GNE: variants seen among roughly 807,000 people sequenced by gnomAD.
GNE encodes the protein bifunctional UDP-N-acetylglucosamine 2-epimerase/N-acetylmannosamine kinase.
Under a neutral mutation model 61.8 loss-of-function variants are expected in GNE, and 41 were observed. That is an observed-to-expected ratio of 0.66 (90% CI 0.52 to 0.86). GNE has a LOEUF of 0.86. Ranked by LOEUF, GNE falls within the 40% of genes least tolerant of loss-of-function variation. The pLI is 0.00. For synonymous variants in GNE, 264 were observed against 326.4 expected (o/e 0.81, Z 2.06); for missense variants, 608 against 909.1 (o/e 0.67, Z 4.26).
chr9:36,246,118 G>C lies in GNE; in HGVS notation c.529C>G (p.Arg177Gly). The C allele has an allele frequency of 1.9e-6, 3 of 1,614,162 alleles. No individual in the cohort carries two copies. Among genetic ancestry groups the C allele is most frequent in the South Asian group, 1.1e-5 (1 of 91,076 alleles). Reference protein sequence around the residue: ...HLISMCEDHDRILLAGCPSYD... With the variant: ...HLISMCEDHDGILLAGCPSYD... ...GAAGGGCAGCCTGCCAAAAGGATGC[G>C]ATCATGGTCCTCACACATGGATATC... The change falls in exon 3 of 12, where the codon CGC (arginine) becomes GGC (glycine). Residue 177 changes from arginine (R) to glycine (G), a missense_variant. By Grantham distance (125) the Arg-to-Gly change is moderately radical. Coordinates refer to ENST00000642385, the MANE Select transcript of GNE (RefSeq NM_005476.7).
intron 4 of GNE, among the ~76,000 whole-genome samples, chr9:36,234,822 C>G (rs941270149): frequency 1.3e-5 from 2 of 152,142 alleles, no homozygotes; most frequent in Non-Finnish European, 2.9e-5. Context: ...GCAGGTGCCA[C>G]TCATTTAACC....
upstream of GNE, among the ~76,000 whole-genome samples, chr9:36,259,308 T>C (rs1464846177): frequency 6.6e-6 from 1 of 152,138 alleles, no homozygotes. Context: ...AGGCCAGGAG[T>C]TCGAGACCAA....
intron 1 of GNE, among the ~76,000 whole-genome samples, chr9:36,255,024 C>A (rs1020925757): frequency 1.3e-5 from 2 of 152,138 alleles, no homozygotes; most frequent in Non-Finnish European, 2.9e-5. Context: ...ATAAACCTGG[C>A]CTTAGGTAAC....
chr9:36,234,225 TA>T, intron 4 of GNE, 93 bp from the exon 5 acceptor site: 1 of 965,232 alleles, frequency 1.0e-6, no homozygotes, highest in African/African-American at 1.6e-5. Flanking sequence ...GAAATCTCCC[TA>T]AAAAAACCTC....
intron 5 of GNE, among the ~76,000 whole-genome samples, chr9:36,232,131 C>G (rs948303239): frequency 6.6e-6 from 1 of 152,140 alleles, no homozygotes; most frequent in Non-Finnish European, 1.5e-5. Context: ...CCTTCTCATT[C>G]CCAGCATATC....
Position 36,223,430 on chromosome 9 carries a change from T to C in GNE, c.1354A>G (p.Met452Val), listed in dbSNP as rs746051210. Residue 452 changes from methionine (M) to valine (V), a missense_variant, in exon 8 of 12, where the codon ATG becomes GTG. Physicochemically the swap from Met to Val is conservative, Grantham distance 21. Coordinates refer to ENST00000642385, the MANE Select transcript of GNE (RefSeq NM_005476.7). The part of the protein sequence containing the change: ...YEERINLILQ[M>V]CVEAAAEAVK... Reference sequence around the variant, plus strand: ...GCTTCTGCTGCAGCTTCCACACACATCTGTAGGATTAAATTAATCCTCTCT... The same window carrying C: ...GCTTCTGCTGCAGCTTCCACACACACCTGTAGGATTAAATTAATCCTCTCT... 5.6e-6 allele frequency: 9 copies of C among 1,611,446 alleles called. No homozygotes were observed. The highest frequency in any genetic ancestry group is 7.6e-6 in the Non-Finnish European group (9 of 1,177,656).
chr9:36,260,868 C>CAA (rs745821430), upstream of GNE, among the ~76,000 whole-genome samples: 1,992 of 95,792 alleles, frequency 0.021, 50 homozygotes, highest in Non-Finnish European at 0.027. Context: ...GACTCTATCT[C>CAA]AAAAAAAAAA....
chr9:36,216,329 G>GTGTGTGTGTGTGTGTGTA lies in GNE; in HGVS notation c.*1035_*1036insTACACACACACACACACA. 1 of 345,132 alleles carries GTGTGTGTGTGTGTGTGTA rather than the reference G, an allele frequency of 2.9e-6. No individual in the cohort carries two copies. Among genetic ancestry groups the GTGTGTGTGTGTGTGTGTA allele is most frequent in the East Asian group, 1.1e-4 (1 of 9,482 alleles). 21.4% of individuals were successfully genotyped at this position (345,132 alleles called of 1,614,324 possible). A position where few individuals can be genotyped will look rare whatever the true frequency, so the allele number is the denominator to read the frequency against. Reference sequence around the variant, plus strand: ...AGTTTGGGGTTAGAGGAGGAAGGATGTGTGTGTGTGTGTGTGTGTGTGTGT... The same window carrying GTGTGTGTGTGTGTGTGTA: ...AGTTTGGGGTTAGAGGAGGAAGGATGTGTGTGTGTGTGTGTGTATGTGTGTGTGTGTGTGTGTGTGTGT... On this transcript the variant is annotated 3_prime_UTR_variant, in exon 12 of 12. Transcript: ENST00000642385.
chr9:36,256,815 G>A (rs1830371293), intron 1 of GNE, among the ~76,000 whole-genome samples: 1 of 152,190 alleles, frequency 6.6e-6, no homozygotes, highest in Non-Finnish European at 1.5e-5. Context: ...TTCTTCACAT[G>A]TATTAACTCA....
At chr9:36,241,875 C>A (rs1256382705) in intron 3 of GNE, among the ~76,000 whole-genome samples, 1 of 152,038 alleles carries the variant, frequency 6.6e-6, no homozygotes, top group East Asian at 1.9e-4. Flanking sequence ...GTAGCTCATG[C>A]CTATAATCCC....
At chr9:36,273,399 T>C (rs1831119817) in intron 1 of GNE, among the ~76,000 whole-genome samples, 1 of 151,654 alleles carries the variant, frequency 6.6e-6, no homozygotes, top group Admixed American at 6.6e-5. Flanking sequence ...GTATTTTTAG[T>C]AGAGACGGGG....
At chr9:36,260,500 A>G (rs1830571407), upstream of GNE, among the ~76,000 whole-genome samples, 1 of 152,164 alleles carries the variant, frequency 6.6e-6, no homozygotes, top group South Asian at 2.1e-4. Context: ...ATCTGAAGAC[A>G]GACTCACCAG....
chr9:36,222,679 G>C, intron 9 of GNE, 98 bp downstream of exon 9: 1 of 876,140 alleles, frequency 1.1e-6, no homozygotes, highest in Non-Finnish European at 2.0e-6. Flanking sequence ...CATGCAGGAA[G>C]TGAAGGCTAA....
At chr9:36,264,226 A>C (rs1368686667) in intron 1 of GNE, among the ~76,000 whole-genome samples, 1 of 151,972 alleles carries the variant, frequency 6.6e-6, no homozygotes, top group East Asian at 1.9e-4. Context: ...TCCACCTCCC[A>C]GGTTCAAGTA....
At chr9:36,253,683 T>C (rs2133144236) in intron 1 of GNE, among the ~76,000 whole-genome samples, 1 of 152,200 alleles carries the variant, frequency 6.6e-6, no homozygotes, top group South Asian at 2.1e-4. Flanking sequence ...ATTTTGGAAA[T>C]TGCTGGCCAT....
At chr9:36,260,800 C>T (rs1038452747), upstream of GNE, among the ~76,000 whole-genome samples, 10 of 133,284 alleles carry the variant, frequency 7.5e-5, no homozygotes, top group Non-Finnish European at 1.1e-4. Context: ...ACCTGGGAGG[C>T]GGAGCTTGCA....
intron 1 of GNE, among the ~76,000 whole-genome samples, chr9:36,256,372 G>C (rs1314569073): frequency 6.7e-6 from 1 of 148,980 alleles, no homozygotes; most frequent in South Asian, 2.1e-4. Context: ...AGCCTCCTGA[G>C]TAGCTGGGAT....
chr9:36,249,151 A>G, intron 2 of GNE, 41 bp downstream of exon 2: 1 of 1,517,250 alleles, frequency 6.6e-7, no homozygotes, highest in Non-Finnish European at 9.2e-7. Flanking sequence ...TCCTTCTAGC[A>G]CACTGTTGCA....
At chr9:36,260,641 G>A (rs887191108), upstream of GNE, among the ~76,000 whole-genome samples, 3 of 151,966 alleles carry the variant, frequency 2.0e-5, no homozygotes, top group South Asian at 2.1e-4. Context: ...AGGCCGAGGC[G>A]GGCGGATCAC....
Sources: allele counts gnomAD v4.1 joint callset (sites outside exome capture counted in the v4.1 genomes callset), GRCh38; gene constraint gnomAD v4.1.1; transcripts MANE v1.5; gene names NCBI Gene and HGNC (gene_info 2026-07-23, HGNC 2026-07-21).